The following ARHGAP8 variants were observed in gnomAD, a reference collection of about 807,000 sequenced individuals.
The protein encoded by ARHGAP8 is rho GTPase-activating protein 8.
Under a neutral mutation model 46.1 loss-of-function variants are expected in ARHGAP8, and 62 were observed. That is an observed-to-expected ratio of 1.34 (90% confidence interval 1.10 to 1.66). The LOEUF (loss-of-function observed/expected upper bound fraction) is 1.66, where lower values mean the gene tolerates loss of function less well. Ranked by LOEUF, ARHGAP8 falls within the 40% of genes most tolerant of loss-of-function variation. The pLI is 0.00. For missense variants in ARHGAP8, 923 were observed against 568.4 expected (o/e 1.62, Z -6.34); for synonymous variants, 375 against 243.1 (o/e 1.54, Z -5.05).
At chr22:44,791,104 C>T (rs1030729944) in intron 2 of ARHGAP8, among the ~76,000 whole-genome samples, 3 of 152,060 alleles carry the variant, frequency 2.0e-5, no homozygotes, top group Non-Finnish European at 4.4e-5. Context: ...TGGGAACCTT[C>T]CAGATTATTC....
At chr22:44,825,986 G>A (rs1365291928) in intron 7 of ARHGAP8, among the ~76,000 whole-genome samples, 1 of 151,640 alleles carries the variant, frequency 6.6e-6, no homozygotes, top group African/African-American at 2.4e-5. Context: ...GCAGTGGGTA[G>A]TGGATGGGGG....
intron 5 of ARHGAP8, among the ~76,000 whole-genome samples, chr22:44,819,956 C>G (rs1930010435): frequency 6.6e-6 from 1 of 152,200 alleles, no homozygotes; most frequent in South Asian, 2.1e-4. Flanking sequence ...AGGAATTGGG[C>G]TGGGGCTCTG....
intron 2 of ARHGAP8, among the ~76,000 whole-genome samples, chr22:44,798,228 G>C (rs563767970): frequency 4.7e-5 from 7 of 147,626 alleles, no homozygotes; most frequent in Admixed American, 1.3e-4. Context: ...CACCCACCTC[G>C]GCCTCCCAAA....
At chr22:44,826,471 C>G (rs1242849424) in intron 7 of ARHGAP8, among the ~76,000 whole-genome samples, 1 of 152,182 alleles carries the variant, frequency 6.6e-6, no homozygotes, top group Non-Finnish European at 1.5e-5. Flanking sequence ...GCTTCTCAGG[C>G]AGGAGTGCAG....
chr22:44,790,850 A>G (rs781549780), intron 2 of ARHGAP8, among the ~76,000 whole-genome samples: 4 of 150,792 alleles, frequency 2.7e-5, no homozygotes, highest in Admixed American at 6.6e-5. Context: ...CTCTTGCCTC[A>G]GCCTCCCGAG....
chr22:44,781,226 C>T (rs1041541888), intron 1 of ARHGAP8, among the ~76,000 whole-genome samples: 7 of 149,980 alleles, frequency 4.7e-5, no homozygotes, highest in South Asian at 2.1e-4. Flanking sequence ...AGGAAGTCTT[C>T]GTGGAATTTT....
intron 7 of ARHGAP8, among the ~76,000 whole-genome samples, chr22:44,833,076 T>TTTTTCTTTTC (rs61552450): frequency 0.19 from 24,174 of 129,014 alleles, 2,791 homozygotes; most frequent in South Asian, 0.3. Context: ...AGAACCATCT[T>TTTTTCTTTTC]TTTTCTTTTC....
intron 1 of ARHGAP8, among the ~76,000 whole-genome samples, chr22:44,779,315 G>A (rs9614926): frequency 0.079 from 11,981 of 151,950 alleles, 502 homozygotes; most frequent in Middle Eastern, 0.12. Context: ...TGACCAGGCT[G>A]GTCTCGAACT....
intron 1 of ARHGAP8, among the ~76,000 whole-genome samples, chr22:44,756,331 G>A (rs1270333498): frequency 6.6e-6 from 1 of 152,154 alleles, no homozygotes; most frequent in Non-Finnish European, 1.5e-5. Context: ...ACCCCGTGTG[G>A]CACTCGGGTG....
At chr22:44,765,893 T>A (rs1925520967) in intron 1 of ARHGAP8, 1 of 152,392 alleles carries the variant, frequency 6.6e-6, no homozygotes, top group South Asian at 2.1e-4. Context: ...CCGAAGGGTG[T>A]GAACACAGGG....
At chr22:44,832,932 G>C (rs529762177) in intron 7 of ARHGAP8, among the ~76,000 whole-genome samples, 1 of 151,916 alleles carries the variant, frequency 6.6e-6, no homozygotes, top group African/African-American at 2.4e-5. Flanking sequence ...TTCAAGACTA[G>C]CCTGGACAAC....
At chr22:44,827,336 GTTTTTT>G (rs796490147) in intron 7 of ARHGAP8, among the ~76,000 whole-genome samples, 7 of 67,258 alleles carry the variant, frequency 1.0e-4, no homozygotes, top group South Asian at 7.9e-4. Context: ...TTGGGTGGTG[GTTTTTT>G]TTTTTTTTTT....
At chr22:44,831,796 A>G (rs1416728487) in intron 7 of ARHGAP8, among the ~76,000 whole-genome samples, 2 of 152,174 alleles carry the variant, frequency 1.3e-5, no homozygotes, top group African/African-American at 2.4e-5. Flanking sequence ...TGGGCACTCT[A>G]ATTCTTGCCT....
At chr22:44,821,735 C>G (rs559775070) in intron 5 of ARHGAP8, among the ~76,000 whole-genome samples, 23 of 152,334 alleles carry the variant, frequency 1.5e-4, no homozygotes, top group African/African-American at 5.5e-4. Flanking sequence ...GGAGGGAGAA[C>G]CCCCACTTTC....
At chr22:44,817,848 C>T (rs531077739) in intron 5 of ARHGAP8, among the ~76,000 whole-genome samples, 1 of 152,176 alleles carries the variant, frequency 6.6e-6, no homozygotes, top group South Asian at 2.1e-4. Context: ...GGCATGGTGG[C>T]TCACACCTGT....
chr22:44,823,291 G>C (rs1045397440), intron 6 of ARHGAP8, among the ~76,000 whole-genome samples: 3 of 152,158 alleles, frequency 2.0e-5, no homozygotes, highest in African/African-American at 7.2e-5. Flanking sequence ...CAGCTGGGGA[G>C]GGGACTGGTG....
Position 44,819,324 on chromosome 22 carries a change from C to T in ARHGAP8, c.387-3047C>T, listed in dbSNP as rs376367004. ...TCAAGTAATCCTCCAGCCTCGGCCT[C>T]TCAAAGTGCTGGGATTATAGGCATG... On this transcript the variant is annotated intron_variant, in intron 5 of 11. Transcript: ENST00000356099. Among the ~76,000 whole-genome samples the T allele has an allele frequency of 9.8e-5, 15 of 152,358 alleles. 1 individual carries two copies. Among genetic ancestry groups the T allele is most frequent in the African/African-American group, 3.6e-4 (15 of 41,588 alleles).
intron 2 of ARHGAP8, among the ~76,000 whole-genome samples, chr22:44,792,792 A>AGTGGTGGTGGTGGTGGTG (rs756818869): frequency 1.3e-4 from 12 of 91,908 alleles, no homozygotes; most frequent in African/African-American, 4.2e-4. Flanking sequence ...CACTAACGAC[A>AGTGGTGGTGGTGGTGGTG]GTGGTGGTGG....
intron 10 of ARHGAP8, among the ~76,000 whole-genome samples, chr22:44,851,454 C>G (rs919688620): frequency 6.6e-6 from 1 of 152,058 alleles, no homozygotes; most frequent in African/African-American, 2.4e-5. Context: ...CTCTGTCGCC[C>G]AGGCTGGAGT....
Sources: gnomAD v4.1 joint callset for allele counts (sites outside exome capture counted in the v4.1 genomes callset) on GRCh38, gnomAD v4.1.1 for gene constraint, MANE v1.5 for transcripts, NCBI Gene and HGNC (gene_info 2026-07-23, HGNC 2026-07-21) for gene names.